Variants in ANKRD18B observed in about 807,000 individuals in gnomAD.
ANKRD18B encodes the protein ankyrin repeat domain-containing protein 18B.
ANKRD18B carries 75 observed loss-of-function variants against 111.8 expected under a neutral mutation model. The observed-to-expected ratio is 0.67, with a 90% CI of 0.56 to 0.81. The LOEUF (loss-of-function observed/expected upper bound fraction) is 0.81. Among genes scored for constraint, ANKRD18B ranks in the 40% least tolerant of loss-of-function variants. ANKRD18B has a pLI of 0.00. For missense variants in ANKRD18B, 1,038 were observed against 1,225.5 expected (o/e 0.85, Z 2.28); for synonymous variants, 356 against 417.3 (o/e 0.85, Z 1.79).
At chr9:33,574,731 C>T (rs547073280), downstream of ANKRD18B, 1 of 152,950 alleles carries the variant, frequency 6.5e-6, no homozygotes, top group South Asian at 2.1e-4. Context: ...CAAACAAACA[C>T]ACCCATATGT....
At chr9:33,554,860 G>A (rs1044270504) in intron 12 of ANKRD18B, among the ~76,000 whole-genome samples, 55 of 152,118 alleles carry the variant, frequency 3.6e-4, no homozygotes, top group Non-Finnish European at 2.6e-4. Flanking sequence ...TTACAGTGGT[G>A]TGAAAGCACG....
intron 6 of ANKRD18B, among the ~76,000 whole-genome samples, chr9:33,537,464 T>TC (rs1475991555): frequency 6.6e-6 from 1 of 152,170 alleles, no homozygotes; most frequent in Non-Finnish European, 1.5e-5. Flanking sequence ...TCTGAAAAAA[T>TC]TCATTTACCT....
intron 10 of ANKRD18B, among the ~76,000 whole-genome samples, chr9:33,547,722 G>A (rs1828381037): frequency 7.8e-6 from 1 of 128,572 alleles, no homozygotes; most frequent in Non-Finnish European, 1.7e-5. Context: ...GTGTGTGTGT[G>A]TGTTTTATGG....
At chr9:33,551,788 C>G (rs1366006859) in intron 12 of ANKRD18B, among the ~76,000 whole-genome samples, 2 of 152,182 alleles carry the variant, frequency 1.3e-5, no homozygotes, top group African/African-American at 4.8e-5. Context: ...GTTAATTGGG[C>G]AGATGTCAGC....
chr9:33,551,926 T>C (rs1828452798), intron 12 of ANKRD18B, among the ~76,000 whole-genome samples: 2 of 152,190 alleles, frequency 1.3e-5, no homozygotes, highest in Non-Finnish European at 2.9e-5. Context: ...TGACCTTACA[T>C]CTCAGCACTT....
At chr9:33,574,739 T>G (rs1266102471), downstream of ANKRD18B, among the ~76,000 whole-genome samples, 1 of 152,116 alleles carries the variant, frequency 6.6e-6, no homozygotes, top group African/African-American at 2.4e-5. Flanking sequence ...CACACCCATA[T>G]GTACAGACAC....
At chr9:33,525,849 T>C (rs1828018183) in intron 1 of ANKRD18B, among the ~76,000 whole-genome samples, 1 of 150,184 alleles carries the variant, frequency 6.7e-6, no homozygotes, top group East Asian at 1.9e-4. Flanking sequence ...ACTGATTATA[T>C]GTATAACAAA....
chr9:33,564,492 C>T (rs1223910881), intron 14 of ANKRD18B, among the ~76,000 whole-genome samples: 5 of 152,202 alleles, frequency 3.3e-5, no homozygotes, highest in Admixed American at 3.3e-4. Flanking sequence ...GTGAATAGTG[C>T]TACAGTAAAC....
intron 14 of ANKRD18B, among the ~76,000 whole-genome samples, chr9:33,560,475 C>T (rs1192654383): frequency 3.9e-5 from 6 of 152,210 alleles, no homozygotes; most frequent in East Asian, 1.9e-4. Context: ...CACTTGTGGG[C>T]CTGGAGATTC....
In ANKRD18B at chr9:33,566,385, T is replaced by C. The variant is rs554116051; in HGVS notation, c.2627T>C (p.Leu876Pro). 1.1e-5 allele frequency: 17 copies of C among 1,595,706 alleles called. No homozygotes were observed. Among genetic ancestry groups the C allele is most frequent in the Non-Finnish European group, 1.4e-5 (16 of 1,168,998 alleles). ...ATGTTGGAAGAAAAAGTATTAAATC[T>C]TAAGACACATATGGAAAAAGATATG... ...KKMLEEKVLN[L>P]KTHMEKDMVE... The change falls in exon 15 of 19, where the codon CTT (leucine) becomes CCT (proline). Residue 876 changes from leucine to proline, a missense_variant. Coordinates refer to ENST00000684830, the MANE Select transcript of ANKRD18B (RefSeq NM_001393611.1).
intron 14 of ANKRD18B, among the ~76,000 whole-genome samples, chr9:33,565,759 C>A (rs879363921): frequency 1.3e-5 from 2 of 152,116 alleles, no homozygotes; most frequent in African/African-American, 2.4e-5. Flanking sequence ...AAGCATGGGC[C>A]ACCATGCCTA....
chr9:33,562,607 A>G (rs1413512007), intron 14 of ANKRD18B, among the ~76,000 whole-genome samples: 1 of 152,186 alleles, frequency 6.6e-6, no homozygotes, highest in African/African-American at 2.4e-5. Flanking sequence ...TAGTATTTTG[A>G]ATTTCAAAAT....
At chr9:33,524,722 AG>A in intron 1 of ANKRD18B, 27 bp downstream of exon 1, 1 of 1,542,466 alleles carries the variant, frequency 6.5e-7, no homozygotes, top group South Asian at 1.2e-5. Flanking sequence ...CCTCGGTGGG[AG>A]GGGGCCCCCA....
At chr9:33,573,243 C>A (rs199848211), downstream of ANKRD18B, 1 of 985,188 alleles carries the variant, frequency 1.0e-6, no homozygotes, top group Admixed American at 6.2e-5. Flanking sequence ...TCCCATCATG[C>A]GCTCACTAGT....
In ANKRD18B at chr9:33,529,078, G is replaced by T; in HGVS notation, c.400G>T (p.Gly134Cys). 6.2e-7 allele frequency: 1 copy of T among 1,611,976 alleles called. No individual in the cohort carries two copies. Among genetic ancestry groups the T allele is most frequent in the Non-Finnish European group, 8.5e-7 (1 of 1,179,836 alleles). Residue 134 changes from glycine (G) to cysteine (C), a missense_variant, in exon 3 of 19, where the codon GGC (glycine) becomes TGC (cysteine). Physicochemically the swap from Gly to Cys is radical, Grantham distance 159. Around this residue, in one of 4 missense-constraint regions of ANKRD18B, gnomAD observed 216 missense variants for 205.1 expected, o/e 1.05. Transcript: ENST00000684830. ...CAATCCAAACATTAAGGATATCTAC[G>T]GCAACACTGCTCTCCATTATGCCGT... ...GANPNIKDIY[G>C]NTALHYAVYN...
chr9:33,541,074 A>T lies in ANKRD18B; in HGVS notation c.998-73A>T, dbSNP rs1034003581. On this transcript the variant is annotated intron_variant, in intron 8 of 18. Coordinates refer to ENST00000684830, the MANE Select transcript of ANKRD18B (RefSeq NM_001393611.1). ...AGGGTAAGCATGCAGAGTAAGTGAA[A>T]CTTTGCCAGGTAAGGAGGCAGAGGG... is the stretch of plus-strand genomic sequence containing the variant. 2.0e-6 allele frequency: 3 copies of T among 1,517,264 alleles called. No homozygotes were observed. In the African/African-American group the frequency reaches 4.2e-5, roughly 21 times the overall value. The allele number at this position is 1,517,264 out of a possible 1,614,324, so 94.0% of individuals were successfully genotyped here. A position where few individuals can be genotyped will look rare whatever the true frequency, so the allele number is the denominator to read the frequency against.
chr9:33,530,297 C>T (rs1828091746), intron 3 of ANKRD18B, among the ~76,000 whole-genome samples: 2 of 152,054 alleles, frequency 1.3e-5, no homozygotes, highest in Admixed American at 1.3e-4. Flanking sequence ...AAGTTCTGAA[C>T]ATGTATGGTT....
intron 12 of ANKRD18B, among the ~76,000 whole-genome samples, chr9:33,553,183 G>A (rs1231004853): frequency 6.7e-6 from 1 of 148,394 alleles, no homozygotes; most frequent in Non-Finnish European, 1.5e-5. Context: ...CAATATAAGT[G>A]AGACCCTGAC....
At chr9:33,528,265 C>T (rs1298594345) in intron 1 of ANKRD18B, among the ~76,000 whole-genome samples, 1 of 152,242 alleles carries the variant, frequency 6.6e-6, no homozygotes, top group Non-Finnish European at 1.5e-5. Flanking sequence ...TACACCATTG[C>T]ACTCCAGCCT....
Sources: allele counts gnomAD v4.1 joint callset (sites outside exome capture counted in the v4.1 genomes callset), GRCh38; gene constraint gnomAD v4.1.1; regional missense constraint gnomAD v4.1.1; transcripts MANE v1.5; gene names NCBI Gene and HGNC (gene_info 2026-07-23, HGNC 2026-07-21).